Variants in TMEM163 observed in about 807,000 individuals in gnomAD.
The protein encoded by TMEM163 is transmembrane protein 163.
Under a neutral mutation model 29.3 loss-of-function variants are expected in TMEM163, and 17 were observed. The observed-to-expected ratio is 0.58, with a 90% CI of 0.40 to 0.87. The LOEUF is 0.87. Ranked by LOEUF, TMEM163 falls within the 40% of genes least tolerant of loss-of-function variation. The pLI, the probability that TMEM163 is intolerant of heterozygous loss-of-function variation, is 0.00. For synonymous variants in TMEM163, 157 were observed against 160.6 expected, an observed-to-expected ratio of 0.98 and a Z score of 0.17; for missense variants, 303 against 381.5, an observed-to-expected ratio of 0.79 and a Z score of 1.71.
At chr2:134,642,123 C>G (rs989914837) in intron 2 of TMEM163, among the ~76,000 whole-genome samples, 1 of 151,916 alleles carries the variant, frequency 6.6e-6, no homozygotes, top group Non-Finnish European at 1.5e-5. Context: ...TAAGACCAAT[C>G]CACGATTTTT....
chr2:134,656,640 A>C (rs952003555), intron 2 of TMEM163, among the ~76,000 whole-genome samples: 8 of 152,152 alleles, frequency 5.3e-5, no homozygotes, highest in Non-Finnish European at 1.0e-4. Context: ...GTTGAATAGG[A>C]GTGGTGAGAC....
At chr2:134,655,221 A>G (rs1433261527) in intron 2 of TMEM163, among the ~76,000 whole-genome samples, 1 of 140,240 alleles carries the variant, frequency 7.1e-6, no homozygotes, top group East Asian at 2.0e-4. Flanking sequence ...ACATAGTCCC[A>G]TATTTCTTGG....
chr2:134,713,404 T>G (rs1684971453), intron 1 of TMEM163, 85 bp from the exon 2 acceptor site: 2 of 1,584,838 alleles, frequency 1.3e-6, no homozygotes, highest in South Asian at 2.3e-5. Context: ...ACCCAAAGAT[T>G]GCAAACTAAC....
At position 134,562,399 on chromosome 2, in the gene TMEM163, T is replaced by C. The variant is rs369553573; in HGVS notation, c.323-10308A>G. 3.9e-5 allele frequency among the ~76,000 whole-genome samples: 6 copies of C among 152,360 alleles called. No homozygotes were observed. The East Asian group carries it at 9.6e-4, about 24-fold the overall frequency. On this transcript the variant is annotated intron_variant, in intron 2 of 7. Transcript: ENST00000281924. ...CCCCAATTATAATTTCTGGCTTTTA[T>C]TTAATGTGTGACAGTCAATTCAGAC...
intron 2 of TMEM163, among the ~76,000 whole-genome samples, chr2:134,578,432 G>A (rs571809498): frequency 3.0e-4 from 45 of 152,180 alleles, no homozygotes; most frequent in East Asian, 5.8e-4. Flanking sequence ...AATGTAACGC[G>A]TGATGTTCCT....
intron 4 of TMEM163, among the ~76,000 whole-genome samples, chr2:134,516,717 A>C (rs1297435698): frequency 3.5e-5 from 5 of 144,400 alleles, no homozygotes; most frequent in Admixed American, 7.1e-5. Flanking sequence ...ATATACATAT[A>C]TATTCATATA....
At chr2:134,604,563 G>A (rs1237381026) in intron 2 of TMEM163, among the ~76,000 whole-genome samples, 1 of 152,126 alleles carries the variant, frequency 6.6e-6, no homozygotes, top group African/African-American at 2.4e-5. Flanking sequence ...TCTGGAGAGA[G>A]GAGAAGAGGG....
intron 4 of TMEM163, among the ~76,000 whole-genome samples, chr2:134,516,780 C>CATATATATATGCATATATATGA (rs6146922): frequency 1.4e-5 from 2 of 139,460 alleles, no homozygotes; most frequent in African/African-American, 2.7e-5. Flanking sequence ...CATATCTATT[C>CATATATATATGCATATATATGA]ATATATATAT....
intron 4 of TMEM163, among the ~76,000 whole-genome samples, chr2:134,519,783 G>A (rs1206561793): frequency 2.0e-5 from 3 of 151,090 alleles, no homozygotes; most frequent in Admixed American, 6.6e-5. Flanking sequence ...CCGACTACTC[G>A]AGACGCTGAG....
intron 2 of TMEM163, among the ~76,000 whole-genome samples, chr2:134,665,696 A>T (rs1223200404): frequency 6.6e-6 from 1 of 152,116 alleles, no homozygotes; most frequent in Admixed American, 6.5e-5. Flanking sequence ...CACACAGCAG[A>T]GGGACTACAG....
chr2:134,694,592 G>T (rs1684539252), intron 2 of TMEM163, among the ~76,000 whole-genome samples: 1 of 152,152 alleles, frequency 6.6e-6, no homozygotes, highest in African/African-American at 2.4e-5. Flanking sequence ...CTCTCTTTAT[G>T]GGACATGTAA....
At chr2:134,691,934 C>A (rs1052556468) in intron 2 of TMEM163, among the ~76,000 whole-genome samples, 1 of 152,168 alleles carries the variant, frequency 6.6e-6, no homozygotes, top group Non-Finnish European at 1.5e-5. Flanking sequence ...AGGATTGAGG[C>A]AGGGGCTGCA....
chr2:134,613,333 C>G (rs975512533), intron 2 of TMEM163, among the ~76,000 whole-genome samples: 1 of 151,978 alleles, frequency 6.6e-6, no homozygotes, highest in Non-Finnish European at 1.5e-5. Context: ...AAAAGATACC[C>G]CCAAAACTGG....
intron 2 of TMEM163, among the ~76,000 whole-genome samples, chr2:134,701,282 T>TG (rs1684698516): frequency 6.6e-6 from 1 of 151,502 alleles, no homozygotes; most frequent in Non-Finnish European, 1.5e-5. Context: ...GGGCAAGTGG[T>TG]AATTGATTTA....
intron 2 of TMEM163, among the ~76,000 whole-genome samples, chr2:134,583,133 A>G (rs1037355817): frequency 2.0e-5 from 3 of 152,240 alleles, no homozygotes; most frequent in Admixed American, 2.0e-4. Flanking sequence ...CTCTCAGCAC[A>G]GCAGTCACAG....
Position 134,455,851 on chromosome 2 carries a change from A to AAC in TMEM163, c.*863_*864dup, listed in dbSNP as rs1244961584. ...AGGTACAGAACGGTGCGGGTTGGGGAACACTCTACAGAATCTAAACCTACC... is the reference window on the plus strand; with the variant it reads ...AGGTACAGAACGGTGCGGGTTGGGGAACACACTCTACAGAATCTAAACCTACC... On this transcript the variant is annotated 3_prime_UTR_variant, in exon 8 of 8. Transcript: ENST00000281924. 6.6e-5 allele frequency: 10 copies of AAC among 152,560 alleles called. No homozygotes were observed. In the East Asian group the frequency reaches 1.9e-3, roughly 30 times the overall value. The allele number at this position is 152,560 out of a possible 1,614,324, so 9.5% of individuals were successfully genotyped here.
intron 2 of TMEM163, among the ~76,000 whole-genome samples, chr2:134,686,288 CA>C (rs1684348891): frequency 1.3e-5 from 2 of 152,218 alleles, no homozygotes; most frequent in Non-Finnish European, 2.9e-5. Context: ...ACCTCCACAG[CA>C]GGTGGAGGAA....
chr2:134,586,865 C>G (rs1211338781), intron 2 of TMEM163, among the ~76,000 whole-genome samples: 1 of 152,156 alleles, frequency 6.6e-6, no homozygotes, highest in Non-Finnish European at 1.5e-5. Context: ...TCAAGCATCA[C>G]CTATATTTGT....
At chr2:134,691,352 G>C (rs1009122306) in intron 2 of TMEM163, among the ~76,000 whole-genome samples, 7 of 152,098 alleles carry the variant, frequency 4.6e-5, no homozygotes, top group Non-Finnish European at 8.8e-5. Flanking sequence ...CCTAGCGTAG[G>C]CACCAAACAT....
Sources: allele counts gnomAD v4.1 joint callset (sites outside exome capture counted in the v4.1 genomes callset), GRCh38; gene constraint gnomAD v4.1.1; transcripts MANE v1.5; gene names NCBI Gene and HGNC (gene_info 2026-07-23, HGNC 2026-07-21).